The following KIF2C variants were observed in gnomAD, a reference collection of about 807,000 sequenced individuals.
KIF2C encodes kinesin-like protein KIF2C.
KIF2C carries 34 observed loss-of-function variants against 97.4 expected under a neutral mutation model. The observed-to-expected ratio is 0.35, with a 90% CI of 0.27 to 0.46. The LOEUF is 0.46. Among genes scored for constraint, KIF2C ranks in the 20% least tolerant of loss-of-function variants. The probability of loss-of-function intolerance (pLI) is 1.00; values close to 1 mark genes in which losing one functional copy is unlikely to be tolerated. For synonymous variants in KIF2C, 313 were observed against 318.2 expected (o/e 0.98, Z 0.17); for missense variants, 750 against 907.6 (o/e 0.83, Z 2.23).
intron 4 of KIF2C, 77 bp downstream of exon 4, chr1:44,747,777 G>C: frequency 7.4e-7 from 1 of 1,348,548 alleles, no homozygotes; most frequent in South Asian, 1.3e-5. Flanking sequence ...AGTTGTGGAA[G>C]CTCCTCTTTT....
At chr1:44,762,087 T>C in intron 17 of KIF2C, 104 bp downstream of exon 17, 1 of 1,056,334 alleles carries the variant, frequency 9.5e-7, no homozygotes. Context: ...TACTGTATAC[T>C]CCTCTGTGAC....
At position 44,760,178 on chromosome 1, in the gene KIF2C, TCGCCTCCTAA is replaced by T; in HGVS notation, c.1368-100_1368-91del. On this transcript the variant is annotated intron_variant, in intron 14 of 20. Transcript: ENST00000372224. The surrounding 1 kb of genome is among the most constrained non-coding windows in gnomAD (Gnocchi z 4.2). ...CCTGGGACAGGAAAACAGGACTTTT[TCGCCTCCTAA>T]CCTGTGTCCCTCCCTTCCTAGAGAA... 9.8e-7 allele frequency: 1 copy of T among 1,017,998 alleles called. No individual in the cohort carries two copies. Among genetic ancestry groups the T allele is most frequent in the Admixed American group, 2.1e-5 (1 of 47,332 alleles). The allele number at this position is 1,017,998 out of a possible 1,614,324, so 63.1% of individuals were successfully genotyped here.
In KIF2C at chr1:44,757,664, GC is replaced by G; in HGVS notation, c.1068+19del. On this transcript the variant is annotated intron_variant, in intron 11 of 20. Transcript: ENST00000372224. ...AGACACATGTGAGTATTGAGGCCTG[GC>G]GGGGAAAGAGCCTTTCCCTTGTGCA... The G allele has an allele frequency of 1.3e-6, 2 of 1,570,338 alleles. No individual in the cohort carries two copies. The highest frequency in any genetic ancestry group is 1.8e-6 in the Non-Finnish European group (2 of 1,140,090).
chr1:44,743,079 G>T (rs568752306), intron 2 of KIF2C, among the ~76,000 whole-genome samples: 15 of 152,184 alleles, frequency 9.9e-5, no homozygotes, highest in Non-Finnish European at 2.1e-4. Context: ...CTTGGCAGCC[G>T]CAAAACAGCT....
At chr1:44,758,628 A>T (rs950977221) in intron 13 of KIF2C, among the ~76,000 whole-genome samples, 3 of 152,072 alleles carry the variant, frequency 2.0e-5, no homozygotes, top group African/African-American at 7.2e-5. Context: ...TAATCCCAGC[A>T]CTTTGGGAGG....
chr1:44,753,670 C>T, intron 6 of KIF2C, 63 bp from the exon 7 acceptor site: 1 of 1,153,418 alleles, frequency 8.7e-7, no homozygotes, highest in Non-Finnish European at 1.2e-6. Context: ...GAAGAGTAGG[C>T]TGGCTTAAAC....
Position 44,767,429 on chromosome 1 carries a change from CCTT to C in KIF2C, c.*254_*256del, listed in dbSNP as rs1353648335. 4.8e-6 allele frequency: 2 copies of C among 413,310 alleles called. No individual in the cohort carries two copies. Among genetic ancestry groups the C allele is most frequent in the South Asian group, 2.3e-5 (1 of 44,260 alleles). 25.6% of individuals were successfully genotyped at this position (413,310 alleles called of 1,614,324 possible). On this transcript the variant is annotated 3_prime_UTR_variant, in exon 21 of 21. Coordinates refer to ENST00000372224, the MANE Select transcript of KIF2C (RefSeq NM_006845.4). ...GCTCTTAGTTACCCTTTTGTGTTGC[CCTT>C]CTTTCCATCAAGGGGAATGTTCTCA...
intron 13 of KIF2C, 122 bp downstream of exon 13, chr1:44,758,262 C>T (rs1220988812): frequency 6.4e-6 from 5 of 783,820 alleles, no homozygotes; most frequent in Non-Finnish European, 1.1e-5. Context: ...CACTGATGGG[C>T]CATTCTGCCC....
intron 19 of KIF2C, among the ~76,000 whole-genome samples, chr1:44,762,863 A>C (rs1223096726): frequency 6.6e-6 from 1 of 152,184 alleles, no homozygotes; most frequent in Admixed American, 6.5e-5. Flanking sequence ...GTTGGCACAC[A>C]TAGGCTTTCT....
At chr1:44,744,110 A>G (rs1649063539) in intron 2 of KIF2C, among the ~76,000 whole-genome samples, 1 of 149,136 alleles carries the variant, frequency 6.7e-6, no homozygotes, top group African/African-American at 2.5e-5. Flanking sequence ...TTGTTTTTTG[A>G]GACAAAGTCT....
chr1:44,743,726 G>T (rs12733796), intron 2 of KIF2C, among the ~76,000 whole-genome samples: 39,619 of 152,100 alleles, frequency 0.26, 6,501 homozygotes, highest in African/African-American at 0.46. Context: ...CAGGAGTTCA[G>T]GGCTACAGTG....
intron 8 of KIF2C, 93 bp from the exon 9 acceptor site, chr1:44,755,836 A>G (rs1649798470): frequency 4.3e-6 from 5 of 1,170,324 alleles, no homozygotes; most frequent in Non-Finnish European, 5.1e-6. Flanking sequence ...TGGGCCAGAC[A>G]TGGGATTGGA....
At chr1:44,764,885 TGAGGCGGCCACATCAACTAA>T (rs1351752941) in intron 19 of KIF2C, among the ~76,000 whole-genome samples, 2 of 152,058 alleles carry the variant, frequency 1.3e-5, no homozygotes, top group African/African-American at 2.4e-5. Flanking sequence ...TTTGGGAGGC[TGAGGCGGCCACATCAACTAA>T]GGTCGGGAGT....
In KIF2C at chr1:44,739,855, C is replaced by T. The variant is rs891418118; in HGVS notation, c.-78C>T. The T allele has an allele frequency of 6.9e-6, 9 of 1,307,234 alleles. No individual in the cohort carries two copies. Among genetic ancestry groups the T allele is most frequent in the Non-Finnish European group, 8.9e-6 (8 of 903,088 alleles). The allele number at this position is 1,307,234 out of a possible 1,614,324, so 81.0% of individuals were successfully genotyped here. A position where few individuals can be genotyped will look rare whatever the true frequency, so the allele number is the denominator to read the frequency against. On this transcript the variant is annotated 5_prime_UTR_variant, in exon 1 of 21. Coordinates refer to ENST00000372224, the MANE Select transcript of KIF2C (RefSeq NM_006845.4). Reference sequence around the variant, plus strand: ...GGGATTTAAACTGCGGCGGTTTACGCGGCGTTAAGACTTCGTAGGGTTAGC... The same window carrying T: ...GGGATTTAAACTGCGGCGGTTTACGTGGCGTTAAGACTTCGTAGGGTTAGC...
chr1:44,759,816 G>T (rs1040780088), intron 14 of KIF2C, among the ~76,000 whole-genome samples: 5 of 152,184 alleles, frequency 3.3e-5, no homozygotes, highest in Non-Finnish European at 7.3e-5. Flanking sequence ...TTCTGGGCTG[G>T]AAGTAATGGG....
At chr1:44,759,917 C>A (rs1650050752) in intron 14 of KIF2C, among the ~76,000 whole-genome samples, 1 of 152,088 alleles carries the variant, frequency 6.6e-6, no homozygotes, top group African/African-American at 2.4e-5. Context: ...CTATAGAGGC[C>A]CAGGGAGGGG....
chr1:44,741,379 CAAAAAAA>C (rs764626810), intron 2 of KIF2C, among the ~76,000 whole-genome samples: 8 of 58,494 alleles, frequency 1.4e-4, no homozygotes, highest in Non-Finnish European at 2.5e-4. Flanking sequence ...GAATCTGTCT[CAAAAAAA>C]AAAAAAAAAA....
chr1:44,763,480 G>A (rs909075881), intron 19 of KIF2C, among the ~76,000 whole-genome samples: 2 of 152,180 alleles, frequency 1.3e-5, no homozygotes, highest in African/African-American at 4.8e-5. Flanking sequence ...CGTGGTCAGA[G>A]CAAAAGGAGT....
Position 44,762,588 on chromosome 1 carries a change from T to G in KIF2C, c.1901T>G (p.Phe634Cys). Residue 634 changes from phenylalanine (F) to cysteine (C), a missense_variant, in exon 19 of 21, where the codon TTT becomes TGT. Phe to Cys is a radical substitution (Grantham distance 205). Transcript: ENST00000372224. The part of the protein sequence containing the change: ...EEELSSQMSS[F>C]NEAMTQIREL... Reference sequence around the variant, plus strand: ...GAACTGTCTTCCCAGATGTCCAGCTTTAACGAAGCCATGACTCAGATCAGG... The same window carrying G: ...GAACTGTCTTCCCAGATGTCCAGCTGTAACGAAGCCATGACTCAGATCAGG... The G allele has an allele frequency of 6.2e-7, 1 of 1,614,138 alleles. No individual in the cohort carries two copies. Among genetic ancestry groups the G allele is most frequent in the Non-Finnish European group, 8.5e-7 (1 of 1,180,036 alleles).
Sources: allele counts gnomAD v4.1 joint callset (sites outside exome capture counted in the v4.1 genomes callset), GRCh38; gene constraint gnomAD v4.1.1; non-coding constraint Gnocchi (gnomAD v3.1); transcripts MANE v1.5; gene names NCBI Gene and HGNC (gene_info 2026-07-23, HGNC 2026-07-21).